Variants in GHR observed in about 807,000 individuals in gnomAD.
GHR encodes GH receptor.
GHR carries 35 observed loss-of-function variants against 67.1 expected under a neutral mutation model. The ratio of observed to expected loss-of-function variants is 0.52; its 90% CI spans 0.40 to 0.69. The LOEUF is 0.69. Among genes scored for constraint, GHR ranks in the 30% least tolerant of loss-of-function variants. The pLI is 0.00. For synonymous variants in GHR, 272 were observed against 269.1 expected, an observed-to-expected ratio of 1.01 and a Z score of -0.10; for missense variants, 792 against 764.6, an observed-to-expected ratio of 1.04 and a Z score of -0.42.
chr5:42,679,094 T>C (rs562217902), intron 3 of GHR, among the ~76,000 whole-genome samples: 64 of 145,328 alleles, frequency 4.4e-4, no homozygotes, highest in African/African-American at 1.6e-3. Context: ...CTAATATTAG[T>C]ATGTATTAAT....
In GHR at chr5:42,696,646, T is replaced by G. The variant is rs569693967; in HGVS notation, c.439+1557T>G. The stretch of plus-strand genomic sequence containing the variant: ...CAGTTAGGAAGCCCTCCTAGTCAGC[T>G]GGAGAAATCATCAGTAGTTGTTTGT... On this transcript the variant is annotated intron_variant, in intron 5 of 9. Coordinates refer to ENST00000230882, the MANE Select transcript of GHR (RefSeq NM_000163.5). Among the ~76,000 whole-genome samples, 8 of 152,336 alleles carry G rather than the reference T, an allele frequency of 5.3e-5. No homozygotes were observed. The East Asian group carries it at 1.5e-3, about 29-fold the overall frequency.
intron 1 of GHR, chr5:42,467,857 G>A (rs779181218): frequency 1.9e-5 from 18 of 950,992 alleles, no homozygotes; most frequent in Non-Finnish European, 2.9e-5. Context: ...CAGAATTAAG[G>A]CTGTATTTTC....
At chr5:42,466,439 C>A (rs2112075359) in intron 1 of GHR, among the ~76,000 whole-genome samples, 1 of 152,176 alleles carries the variant, frequency 6.6e-6, no homozygotes, top group Non-Finnish European at 1.5e-5. Context: ...GAATTGCTAC[C>A]CCAAGTGGTT....
chr5:42,529,675 T>A (rs1234527183), intron 1 of GHR, among the ~76,000 whole-genome samples: 1 of 152,166 alleles, frequency 6.6e-6, no homozygotes, highest in Non-Finnish European at 1.5e-5. Flanking sequence ...GCTTAACTCT[T>A]GGGTGGGTCA....
At chr5:42,617,943 C>T (rs1753248609) in intron 2 of GHR, among the ~76,000 whole-genome samples, 1 of 152,044 alleles carries the variant, frequency 6.6e-6, no homozygotes, top group South Asian at 2.1e-4. Context: ...CCACTTTAAA[C>T]AATGTTGTGT....
chr5:42,598,499 T>C (rs115187189), intron 2 of GHR, among the ~76,000 whole-genome samples: 138 of 152,330 alleles, frequency 9.1e-4, no homozygotes, highest in African/African-American at 3.3e-3. Flanking sequence ...ACTGTGGTCT[T>C]TTAGGACTTG....
intron 1 of GHR, among the ~76,000 whole-genome samples, chr5:42,549,032 G>T (rs758336651): frequency 6.6e-6 from 1 of 152,228 alleles, no homozygotes; most frequent in Admixed American, 6.5e-5. Flanking sequence ...GTAAAGAGAA[G>T]TGATACCACA....
chr5:42,546,225 C>A (rs1328714757), intron 1 of GHR, among the ~76,000 whole-genome samples: 2 of 152,214 alleles, frequency 1.3e-5, no homozygotes, highest in African/African-American at 4.8e-5. Context: ...AAAAATCTTT[C>A]TCTTTCAAGG....
At chr5:42,618,397 T>G (rs565805969) in intron 2 of GHR, among the ~76,000 whole-genome samples, 1 of 152,280 alleles carries the variant, frequency 6.6e-6, no homozygotes, top group African/African-American at 2.4e-5. Context: ...TGTATGCATT[T>G]TTCTGCTAAG....
chr5:42,631,650 C>G (rs1216254829), intron 3 of GHR, among the ~76,000 whole-genome samples: 1 of 152,168 alleles, frequency 6.6e-6, no homozygotes, highest in Non-Finnish European at 1.5e-5. Context: ...GAGATAATTT[C>G]ACATGAAAAG....
intron 2 of GHR, among the ~76,000 whole-genome samples, chr5:42,620,839 A>T (rs894464546): frequency 2.6e-5 from 4 of 152,296 alleles, no homozygotes; most frequent in Non-Finnish European, 5.9e-5. Flanking sequence ...GAGTGAATTC[A>T]CAAGTCTTAA....
chr5:42,701,805 G>T (rs542290072), intron 6 of GHR, among the ~76,000 whole-genome samples: 1 of 152,016 alleles, frequency 6.6e-6, no homozygotes, highest in Admixed American at 6.6e-5. Flanking sequence ...GTAATAAAAT[G>T]TATGAACATT....
chr5:42,685,437 A>T (rs1378619097), intron 3 of GHR, among the ~76,000 whole-genome samples: 3 of 152,194 alleles, frequency 2.0e-5, no homozygotes, highest in Non-Finnish European at 4.4e-5. Flanking sequence ...AGAATGATTT[A>T]TAATCCTTTG....
At chr5:42,664,661 T>C (rs1474620735) in intron 3 of GHR, among the ~76,000 whole-genome samples, 1 of 152,196 alleles carries the variant, frequency 6.6e-6, no homozygotes, top group Admixed American at 6.5e-5. Context: ...ACCTAGGCAT[T>C]ATCATTCAGG....
In GHR at chr5:42,594,206, G is replaced by A. The variant is rs180697431; in HGVS notation, c.70+28262G>A. Among the ~76,000 whole-genome samples the A allele has an allele frequency of 9.4e-4, 143 of 152,198 alleles. 1 individual carries two copies. Among genetic ancestry groups the A allele is most frequent in the Middle Eastern group, 3.4e-3 (1 of 294 alleles). On this transcript the variant is annotated intron_variant, in intron 2 of 9. Coordinates refer to ENST00000230882, the MANE Select transcript of GHR (RefSeq NM_000163.5). ...AGCAGTTCCCAAACTTTTCAAATGT[G>A]ACCCCTTTTAGTATCAACTTCTGTT...
chr5:42,454,787 C>T (rs1472191980), intron 1 of GHR, among the ~76,000 whole-genome samples: 1 of 152,114 alleles, frequency 6.6e-6, no homozygotes, highest in East Asian at 1.9e-4. Context: ...CATACACTTC[C>T]CCACTGAGAA....
At chr5:42,697,942 C>T (rs1205600349) in intron 5 of GHR, among the ~76,000 whole-genome samples, 1 of 151,974 alleles carries the variant, frequency 6.6e-6, no homozygotes, top group African/African-American at 2.4e-5. Context: ...GGCGGTGGGA[C>T]ATGGTTGGAT....
chr5:42,517,516 G>A (rs192432190), intron 1 of GHR, among the ~76,000 whole-genome samples: 311 of 152,280 alleles, frequency 2.0e-3, no homozygotes, highest in South Asian at 4.4e-3. Context: ...GGAATAGCAT[G>A]CATGTGTAAC....
chr5:42,641,785 G>A (rs1484308693), intron 3 of GHR, among the ~76,000 whole-genome samples: 1 of 152,160 alleles, frequency 6.6e-6, no homozygotes, highest in African/African-American at 2.4e-5. Context: ...AAATAAGCTT[G>A]TAGAGTATAG....
Sources: gnomAD v4.1 joint callset for allele counts (sites outside exome capture counted in the v4.1 genomes callset) on GRCh38, gnomAD v4.1.1 for gene constraint, MANE v1.5 for transcripts, NCBI Gene and HGNC (gene_info 2026-07-23, HGNC 2026-07-21) for gene names.